MYO18B: variants seen among roughly 807,000 people sequenced by gnomAD.
MYO18B encodes the protein unconventional myosin-XVIIIb.
Under a neutral mutation model 273.0 loss-of-function variants are expected in MYO18B, and 204 were observed. The observed-to-expected ratio is 0.75, with a 90% CI of 0.67 to 0.84. The LOEUF (loss-of-function observed/expected upper bound fraction) is 0.84, where lower values mean the gene tolerates loss of function less well. Among genes scored for constraint, MYO18B ranks in the 40% least tolerant of loss-of-function variants. The probability of loss-of-function intolerance (pLI) is 0.00; values close to 1 mark genes in which losing one functional copy is unlikely to be tolerated. For synonymous variants in MYO18B, 1,330 were observed against 1,305.7 expected, an observed-to-expected ratio of 1.02 and a Z score of -0.40; for missense variants, 3,212 against 3,287.6, an observed-to-expected ratio of 0.98 and a Z score of 0.56.
At chr22:25,997,974 C>CGAGAGAG (rs1322312591) in intron 40 of MYO18B, among the ~76,000 whole-genome samples, 3 of 117,178 alleles carry the variant, frequency 2.6e-5, no homozygotes, top group African/African-American at 1.0e-4. Flanking sequence ...CACACACACA[C>CGAGAGAG]ACACGAGAGA....
chr22:25,958,325 G>A (rs1292833716), intron 39 of MYO18B, among the ~76,000 whole-genome samples: 2 of 152,062 alleles, frequency 1.3e-5, no homozygotes, highest in Non-Finnish European at 2.9e-5. Flanking sequence ...TTTCTGCTTG[G>A]TTGGCATTCT....
At chr22:25,873,994 A>T (rs1204423213) in intron 22 of MYO18B, among the ~76,000 whole-genome samples, 1 of 152,204 alleles carries the variant, frequency 6.6e-6, no homozygotes, top group Non-Finnish European at 1.5e-5. Flanking sequence ...CTGATTTAGC[A>T]GGTCTGGAAT....
intron 22 of MYO18B, among the ~76,000 whole-genome samples, chr22:25,870,341 C>T (rs889363297): frequency 2.0e-5 from 3 of 152,218 alleles, no homozygotes; most frequent in African/African-American, 7.2e-5. Context: ...TTAGATGGCA[C>T]AGCCTATTGC....
chr22:26,035,647 G>C (rs1279438302), downstream of MYO18B, among the ~76,000 whole-genome samples: 2 of 152,244 alleles, frequency 1.3e-5, no homozygotes, highest in Non-Finnish European at 2.9e-5. Context: ...TCACCACACA[G>C]AAAGCCAATC....
chr22:25,789,334 A>G (rs984865150), intron 11 of MYO18B, among the ~76,000 whole-genome samples: 2 of 152,176 alleles, frequency 1.3e-5, no homozygotes, highest in South Asian at 2.1e-4. Flanking sequence ...GTTTAAAAAA[A>G]AAACAAAAAA....
rs133897 is a variant in MYO18B, at chr22:25,765,524, T to C, written c.198+2135T>C. 5.6e-3 allele frequency among the ~76,000 whole-genome samples: 849 copies of C among 152,312 alleles called. 15 individuals are homozygous for C. Among genetic ancestry groups the C allele is most frequent in the African/African-American group, 0.02 (811 of 41,560 alleles). ...ACACTGGAGTGGAAAGTAACCCGTA[T>C]TGAATGTCAAGGAGACCTAGATTCT... On this transcript the variant is annotated intron_variant, in intron 3 of 43. Coordinates refer to ENST00000335473, the MANE Select transcript of MYO18B (RefSeq NM_032608.7).
intron 17 of MYO18B, among the ~76,000 whole-genome samples, chr22:25,836,265 A>T (rs2089897558): frequency 6.6e-6 from 1 of 152,142 alleles, no homozygotes; most frequent in Non-Finnish European, 1.5e-5. Context: ...GTCTTAGTTG[A>T]TGTGCTTTTA....
chr22:26,042,726 C>G, the MYO18B span, among the ~76,000 whole-genome samples: 1 of 152,222 alleles, frequency 6.6e-6, no homozygotes, highest in African/African-American at 2.4e-5. Context: ...AACACTCATT[C>G]ATTCATTCAT....
At chr22:25,772,260 G>A (rs1568996268) in intron 6 of MYO18B, 74 bp from the exon 7 acceptor site, 1 of 1,442,128 alleles carries the variant, frequency 6.9e-7, no homozygotes, top group South Asian at 1.3e-5. Context: ...GTGTTTGGTT[G>A]CGGGGGGGTG....
chr22:25,951,509 G>A lies in MYO18B; in HGVS notation c.5833-777G>A, dbSNP rs188658019. ...AGCCATTCAGTGCAGAATTTTCTCCGTCTGAGAAATGGCTCCAAGAACAAG... is the reference window on the plus strand; with the variant it reads ...AGCCATTCAGTGCAGAATTTTCTCCATCTGAGAAATGGCTCCAAGAACAAG... On this transcript the variant is annotated intron_variant, in intron 37 of 43. Coordinates refer to ENST00000335473, the MANE Select transcript of MYO18B (RefSeq NM_032608.7). 2.0e-3 allele frequency among the ~76,000 whole-genome samples: 301 copies of A among 152,270 alleles called. 7 individuals carry two copies. Among genetic ancestry groups the A allele is most frequent in the Admixed American group, 0.017 (256 of 15,304 alleles).
At chr22:25,806,348 G>C (rs889461677) in intron 12 of MYO18B, among the ~76,000 whole-genome samples, 10 of 152,174 alleles carry the variant, frequency 6.6e-5, no homozygotes, top group Admixed American at 2.0e-4. Flanking sequence ...AGGACAGGTG[G>C]CTCCTGGGCT....
chr22:26,014,446 A>T (rs181293290), intron 42 of MYO18B, among the ~76,000 whole-genome samples: 116 of 152,314 alleles, frequency 7.6e-4, no homozygotes, highest in African/African-American at 2.7e-3. Context: ...TCTCAGGGAA[A>T]GTGCCACATC....
intron 11 of MYO18B, among the ~76,000 whole-genome samples, chr22:25,790,148 G>A (rs997125022): frequency 2.1e-3 from 57 of 27,736 alleles, no homozygotes; most frequent in Admixed American, 0.015. Flanking sequence ...GTGAGACTCC[G>A]TCTCAAAAAA....
chr22:25,880,461 T>G (rs559139300), intron 25 of MYO18B, among the ~76,000 whole-genome samples: 4 of 151,438 alleles, frequency 2.6e-5, no homozygotes, highest in African/African-American at 9.7e-5. Context: ...TTTCTGAGAG[T>G]TTTTTTTTGA....
At position 25,809,106 on chromosome 22, in the gene MYO18B, C is replaced by T. The variant is rs188607560; in HGVS notation, c.2521+11009C>T. The stretch of plus-strand genomic sequence containing the variant: ...TACAGGTACCTGCCACCACACCCAG[C>T]TAATTTTTGTATTTTTAGTAGAGAT... On this transcript the variant is annotated intron_variant, in intron 12 of 43. Transcript: ENST00000335473. Among the ~76,000 whole-genome samples the T allele has an allele frequency of 3.3e-3, 495 of 152,200 alleles. 3 individuals carry two copies. Among genetic ancestry groups the T allele is most frequent in the Middle Eastern group, 0.01 (3 of 294 alleles).
chr22:26,049,351 A>G, the MYO18B span, among the ~76,000 whole-genome samples: 1 of 152,366 alleles, frequency 6.6e-6, no homozygotes, highest in East Asian at 1.9e-4. Context: ...AATTGCTTCA[A>G]GTACAACAAA....
intron 27 of MYO18B, among the ~76,000 whole-genome samples, chr22:25,892,973 G>A (rs1309057388): frequency 6.6e-6 from 1 of 152,168 alleles, no homozygotes; most frequent in African/African-American, 2.4e-5. Context: ...ATGAGAGGGG[G>A]ACATGTGCTT....
chr22:25,959,935 G>A (rs1411210155), intron 39 of MYO18B, among the ~76,000 whole-genome samples: 4 of 152,162 alleles, frequency 2.6e-5, no homozygotes, highest in Non-Finnish European at 5.9e-5. Flanking sequence ...GGTGCTCTGG[G>A]CCCTGGAGAG....
At position 25,772,491 on chromosome 22, in the gene MYO18B, C is replaced by G; in HGVS notation, c.1850C>G (p.Ser617Trp). Residue 617 changes from serine (S) to tryptophan (W), a missense_variant, in exon 7 of 44, where the codon TCG becomes TGG. By Grantham distance (177) the Ser-to-Trp change is radical. Coordinates refer to ENST00000335473, the MANE Select transcript of MYO18B (RefSeq NM_032608.7). ...DLIVLQPRGPSVPSAGKVPKG... is the reference protein window; with the variant it reads ...DLIVLQPRGPWVPSAGKVPKG... ...ATTGTCCTCCAGCCCCGGGGGCCCT[C>G]GGTGCCTTCTGCAGGGAAGGTGAGG... The G allele has an allele frequency of 6.2e-7, 1 of 1,613,752 alleles. No homozygotes were observed. Among genetic ancestry groups the G allele is most frequent in the Non-Finnish European group, 8.5e-7 (1 of 1,179,862 alleles).
Sources: allele counts gnomAD v4.1 joint callset (sites outside exome capture counted in the v4.1 genomes callset), GRCh38; gene constraint gnomAD v4.1.1; transcripts MANE v1.5; gene names NCBI Gene and HGNC (gene_info 2026-07-23, HGNC 2026-07-21).